The following PDE8B variants were observed in gnomAD, a reference collection of about 807,000 sequenced individuals.
PDE8B encodes phosphodiesterase 8B, also known as high affinity cAMP-specific and IBMX-insensitive 3',5'-cyclic phosphodiesterase 8B.
A neutral mutation model predicts 101.3 loss-of-function variants in PDE8B; 26 were observed. That is an observed-to-expected ratio of 0.26 (90% confidence interval 0.19 to 0.36). The LOEUF is 0.36. PDE8B is among the 10% of genes least tolerant of loss of function. The pLI is 1.00. For synonymous variants in PDE8B, 424 were observed against 429.3 expected (o/e 0.99, Z 0.15); for missense variants, 810 against 1,163.1 (o/e 0.70, Z 4.42).
intron 16 of PDE8B, 122 bp downstream of exon 16, chr5:77,412,357 T>G (rs1460030097): frequency 7.4e-6 from 7 of 951,980 alleles, no homozygotes; most frequent in Non-Finnish European, 1.2e-5. Flanking sequence ...CTGGCTCTCA[T>G]GCCATGTTAG....
At position 77,427,228 on chromosome 5, in the gene PDE8B, G is replaced by A. The variant is rs1271893494; in HGVS notation, c.*674G>A. ...CAGCAGCCTGTGTAACCCCTTTCCT[G>A]TAAAAGGGGTTCATCTTAACAAAGT... On this transcript the variant is annotated 3_prime_UTR_variant, in exon 22 of 22. Transcript: ENST00000264917. 6.6e-6 allele frequency: 1 copy of A among 152,366 alleles called. No individual in the cohort carries two copies. The highest frequency in any genetic ancestry group is 2.4e-5 in the African/African-American group (1 of 41,362). 9.4% of individuals were successfully genotyped at this position (152,366 alleles called of 1,614,324 possible).
intron 2 of PDE8B, among the ~76,000 whole-genome samples, chr5:77,314,615 C>CTTAAG (rs1773388924): frequency 2.0e-5 from 3 of 151,984 alleles, no homozygotes; most frequent in Non-Finnish European, 4.4e-5. Flanking sequence ...TTCCTATAAT[C>CTTAAG]CTAAGCATTA....
intron 2 of PDE8B, among the ~76,000 whole-genome samples, chr5:77,318,489 GT>G (rs1169208657): frequency 6.6e-6 from 1 of 152,206 alleles, no homozygotes; most frequent in Non-Finnish European, 1.5e-5. Context: ...CTATGGACAA[GT>G]TTTTTAACCA....
intron 1 of PDE8B, among the ~76,000 whole-genome samples, chr5:77,285,045 C>T (rs181766880): frequency 1.1e-4 from 17 of 152,270 alleles, no homozygotes; most frequent in Admixed American, 5.9e-4. Flanking sequence ...TATGCCTAGA[C>T]GTCCAGAGTA....
At chr5:77,379,906 G>T (rs754794501) in intron 10 of PDE8B, among the ~76,000 whole-genome samples, 1 of 152,044 alleles carries the variant, frequency 6.6e-6, no homozygotes, top group Non-Finnish European at 1.5e-5. Flanking sequence ...CAGTTCCTGC[G>T]ATCACATCTC....
chr5:77,321,816 C>T (rs920945159), intron 2 of PDE8B, among the ~76,000 whole-genome samples: 1 of 152,122 alleles, frequency 6.6e-6, no homozygotes, highest in Admixed American at 6.5e-5. Flanking sequence ...GAGTGCCTTA[C>T]CATACCTAAA....
the PDE8B span, among the ~76,000 whole-genome samples, chr5:77,153,996 A>G: frequency 1.3e-5 from 2 of 152,246 alleles, no homozygotes; most frequent in Non-Finnish European, 2.9e-5. Context: ...CATCTGTATA[A>G]GAACCACATT....
At chr5:77,234,681 C>T (rs958484783) in intron 1 of PDE8B, among the ~76,000 whole-genome samples, 2 of 152,200 alleles carry the variant, frequency 1.3e-5, no homozygotes, top group African/African-American at 4.8e-5. Flanking sequence ...CCTTTATCCT[C>T]TCTCCTCCAG....
intron 1 of PDE8B, among the ~76,000 whole-genome samples, chr5:77,239,789 C>A (rs1190132842): frequency 6.6e-6 from 1 of 152,040 alleles, no homozygotes; most frequent in Non-Finnish European, 1.5e-5. Context: ...CCTTCCTGTT[C>A]AGAGCTTTCA....
chr5:77,204,159 C>T, the PDE8B span, among the ~76,000 whole-genome samples: 1 of 150,722 alleles, frequency 6.6e-6, no homozygotes, highest in African/African-American at 2.5e-5. Flanking sequence ...CCTGTAATCC[C>T]AGCACTTTAG....
At position 77,408,942 on chromosome 5, in the gene PDE8B, C is replaced by T. The variant is rs776669848; in HGVS notation, c.1415C>T (p.Ala472Val). Reference protein sequence around the residue: ...AAQENSPVTVAEALDRVLEIL... With the variant: ...AAQENSPVTVVEALDRVLEIL... ...CAAGAAAACAGCCCAGTCACAGTAG[C>T]GGAAGCCTTGGACAGAGTTCTAGAG... The change falls in exon 14 of 22, where the codon GCG becomes GTG. Residue 472 changes from alanine to valine, a missense_variant. By Grantham distance (64) the Ala-to-Val change is moderately conservative. This residue lies in a region of PDE8B where 325 missense variants were observed against 560.9 expected (regional missense o/e 0.58). Transcript: ENST00000264917. 1.7e-5 allele frequency: 27 copies of T among 1,613,140 alleles called. No homozygotes were observed. Among genetic ancestry groups the T allele is most frequent in the African/African-American group, 2.7e-5 (2 of 74,904 alleles).
intron 1 of PDE8B, among the ~76,000 whole-genome samples, chr5:77,276,877 T>A (rs942757980): frequency 1.3e-5 from 2 of 152,154 alleles, no homozygotes; most frequent in Non-Finnish European, 2.9e-5. Context: ...ATTTTTAAAA[T>A]TTACATTTTG....
chr5:77,394,662 A>G (rs1308197935), intron 10 of PDE8B, among the ~76,000 whole-genome samples: 1 of 152,208 alleles, frequency 6.6e-6, no homozygotes, highest in Non-Finnish European at 1.5e-5. Context: ...CAGCAGTCAG[A>G]TATAATATCC....
intron 17 of PDE8B, 67 bp downstream of exon 17, chr5:77,413,376 A>G (rs1581571720): frequency 7.2e-7 from 1 of 1,396,420 alleles, no homozygotes. Flanking sequence ...AATCTTAGTA[A>G]ATACATTAGG....
the PDE8B span, among the ~76,000 whole-genome samples, chr5:77,110,168 G>A: frequency 6.6e-6 from 1 of 151,850 alleles, no homozygotes; most frequent in Non-Finnish European, 1.5e-5. Context: ...GGCTGGTCTT[G>A]AACTCCTGAC....
At chr5:77,235,354 G>A (rs1035280301) in intron 1 of PDE8B, among the ~76,000 whole-genome samples, 1 of 152,114 alleles carries the variant, frequency 6.6e-6, no homozygotes, top group African/African-American at 2.4e-5. Flanking sequence ...GCTGTAAAAC[G>A]TCCAGCATTT....
the PDE8B span, among the ~76,000 whole-genome samples, chr5:77,100,651 G>A: frequency 6.6e-6 from 1 of 152,156 alleles, no homozygotes; most frequent in Non-Finnish European, 1.5e-5. Flanking sequence ...CTCCACTGGT[G>A]CACTTGTTCA....
intron 1 of PDE8B, among the ~76,000 whole-genome samples, chr5:77,258,221 G>A (rs1165249397): frequency 2.7e-5 from 4 of 150,630 alleles, no homozygotes; most frequent in African/African-American, 7.3e-5. Context: ...CTGGGGAGGC[G>A]GAGGTTGTAG....
upstream of PDE8B, among the ~76,000 whole-genome samples, chr5:77,208,511 T>C (rs1288915941): frequency 2.0e-5 from 3 of 152,218 alleles, no homozygotes; most frequent in South Asian, 2.1e-4. Context: ...AGGTCCTAAA[T>C]TGTCCTTTGG....
Sources: gnomAD v4.1 joint callset for allele counts (sites outside exome capture counted in the v4.1 genomes callset) on GRCh38, gnomAD v4.1.1 for gene constraint, gnomAD v4.1.1 regional missense constraint, MANE v1.5 for transcripts, NCBI Gene and HGNC (gene_info 2026-07-23, HGNC 2026-07-21) for gene names.